CUL3: variants seen among roughly 807,000 people sequenced by gnomAD.
CUL3 encodes the protein cullin-3.
A neutral mutation model predicts 89.1 loss-of-function variants in CUL3; 19 were observed. That is an observed-to-expected ratio of 0.21 (90% CI 0.15 to 0.31). CUL3 has a LOEUF of 0.31. Ranked by LOEUF, CUL3 falls within the 10% of genes least tolerant of loss-of-function variation. The probability of loss-of-function intolerance (pLI) is 1.00; values close to 1 mark genes in which losing one functional copy is unlikely to be tolerated. For synonymous variants in CUL3, 351 were observed against 308.4 expected, an observed-to-expected ratio of 1.14 and a Z score of -1.45; for missense variants, 469 against 942.3, an observed-to-expected ratio of 0.50 and a Z score of 6.58.
At chr2:224,500,779 C>T (rs1692357480) in intron 10 of CUL3, among the ~76,000 whole-genome samples, 1 of 151,920 alleles carries the variant, frequency 6.6e-6, no homozygotes, top group Non-Finnish European at 1.5e-5. Flanking sequence ...GCATGCCCAC[C>T]ACGCCTGGCT....
At chr2:224,506,162 A>G (rs749528488) in intron 7 of CUL3, 30 bp from the exon 8 acceptor site, 2 of 1,448,740 alleles carry the variant, frequency 1.4e-6, no homozygotes, top group South Asian at 1.5e-5. Context: ...TTTAGGACAC[A>G]TTATAATAAT....
chr2:224,569,912 A>G, intron 1 of CUL3: 2 of 454,592 alleles, frequency 4.4e-6, no homozygotes, highest in Non-Finnish European at 5.8e-6. Context: ...TAGAAAAAAA[A>G]TAAACAAGGG....
rs546339854 is a variant in CUL3 at position 224,490,190 on chromosome 2, G to A, written c.1842+5642C>T. On this transcript the variant is annotated intron_variant, in intron 13 of 15. Transcript: ENST00000264414. ...TGTGATGCTGTGCTTCAGTGGTCAC[G>A]CTCCTAGTCCGCTTTCATGTTCCAT... Among the ~76,000 whole-genome samples the A allele has an allele frequency of 1.5e-3, 224 of 152,204 alleles. No homozygotes were observed. In the Middle Eastern group the frequency reaches 0.017, roughly 12 times the overall value.
chr2:224,533,861 G>C (rs1693782695), intron 3 of CUL3, among the ~76,000 whole-genome samples: 1 of 152,070 alleles, frequency 6.6e-6, no homozygotes, highest in South Asian at 2.1e-4. Context: ...TGACCCCCTT[G>C]CCACTAAGCC....
Position 224,514,816 on chromosome 2 carries a change from A to C in CUL3, c.379-44T>G, listed in dbSNP as rs1316804770. On this transcript the variant is annotated intron_variant, in intron 3 of 15. Coordinates refer to ENST00000264414, the MANE Select transcript of CUL3 (RefSeq NM_003590.5). ...AAATATGAGTACAGTTCTTGTGAGCATAATAATTATTGTGTGCTACAATAA... is the reference window on the plus strand; with the variant it reads ...AAATATGAGTACAGTTCTTGTGAGCCTAATAATTATTGTGTGCTACAATAA... 7 of 1,363,740 alleles carry C rather than the reference A, an allele frequency of 5.1e-6. No homozygotes were observed. In the Admixed American group the frequency reaches 9.4e-5, roughly 18 times the overall value. 84.5% of individuals were successfully genotyped at this position (1,363,740 alleles called of 1,614,324 possible). A position where few individuals can be genotyped will look rare whatever the true frequency, so the allele number is the denominator to read the frequency against.
At chr2:224,509,245 C>A (rs966847016) in intron 6 of CUL3, among the ~76,000 whole-genome samples, 1 of 152,040 alleles carries the variant, frequency 6.6e-6, no homozygotes, top group African/African-American at 2.4e-5. Context: ...ACAGGATCTC[C>A]CTCTGTAGCC....
At chr2:224,492,925 G>A (rs1453158288) in intron 13 of CUL3, among the ~76,000 whole-genome samples, 3 of 152,100 alleles carry the variant, frequency 2.0e-5, no homozygotes, top group Non-Finnish European at 4.4e-5. Flanking sequence ...CAAGATTTGA[G>A]GACAAAGAGC....
At chr2:224,572,830 C>G (rs554692012) in intron 1 of CUL3, among the ~76,000 whole-genome samples, 1 of 152,082 alleles carries the variant, frequency 6.6e-6, no homozygotes, top group African/African-American at 2.4e-5. Context: ...ATCAAGACAT[C>G]GTGTCGGAAG....
At position 224,538,569 on chromosome 2, in the gene CUL3, C is replaced by A. The variant is rs192811458; in HGVS notation, c.265-2928G>T. Among the ~76,000 whole-genome samples, 10 of 152,292 alleles carry A rather than the reference C, an allele frequency of 6.6e-5. No homozygotes were observed. The East Asian group carries it at 1.9e-3, about 29-fold the overall frequency. On this transcript the variant is annotated intron_variant, in intron 2 of 15. Transcript: ENST00000264414. ...GCAAGGCAAATGGGAGGGAACCCTG[C>A]TGTACAGGTAGTACCAGAACCAAAA...
Position 224,473,709 on chromosome 2 carries a change from C to T in CUL3, c.*536G>A, listed in dbSNP as rs1691213128. On this transcript the variant is annotated 3_prime_UTR_variant, in exon 16 of 16. Transcript: ENST00000264414. ...AGTGCAAGTGGTAGAATACAGCATG[C>T]TCAAATTGTATGCTTGGGTCTTTGT... 5.4e-6 allele frequency: 1 copy of T among 183,956 alleles called. No homozygotes were observed. Among genetic ancestry groups the T allele is most frequent in the African/African-American group, 2.3e-5 (1 of 42,578 alleles). The allele number at this position is 183,956 out of a possible 1,614,324, so 11.4% of individuals were successfully genotyped here.
At chr2:224,486,508 A>C (rs1199498333) in intron 13 of CUL3, among the ~76,000 whole-genome samples, 1 of 152,018 alleles carries the variant, frequency 6.6e-6, no homozygotes, top group Non-Finnish European at 1.5e-5. Context: ...AAGCAGAAGA[A>C]AGGATATCAA....
At chr2:224,584,354 T>C (rs1286185914) in intron 1 of CUL3, among the ~76,000 whole-genome samples, 2 of 152,072 alleles carry the variant, frequency 1.3e-5, no homozygotes, top group Admixed American at 6.5e-5. Context: ...AGGAAGCTTG[T>C]AGGATGAAAG....
chr2:224,493,715 T>C (rs1006771702), intron 13 of CUL3, among the ~76,000 whole-genome samples: 2 of 152,226 alleles, frequency 1.3e-5, no homozygotes, highest in African/African-American at 4.8e-5. Flanking sequence ...ACCAGGTCTT[T>C]ATAAGCCAGG....
chr2:224,531,027 T>A (rs975104082), intron 3 of CUL3, among the ~76,000 whole-genome samples: 1 of 151,640 alleles, frequency 6.6e-6, no homozygotes, highest in Non-Finnish European at 1.5e-5. Context: ...TATGAAAATT[T>A]AAAAAATTTA....
intron 3 of CUL3, among the ~76,000 whole-genome samples, chr2:224,529,764 AAG>A (rs1314788192): frequency 1.3e-5 from 2 of 152,204 alleles, no homozygotes; most frequent in Non-Finnish European, 2.9e-5. Flanking sequence ...ATGTTCCATC[AAG>A]AGAGATGTAG....
chr2:224,583,592 AATT>A (rs1027452944), intron 1 of CUL3, among the ~76,000 whole-genome samples: 5 of 152,196 alleles, frequency 3.3e-5, no homozygotes, highest in Admixed American at 3.3e-4. Context: ...AAAAATCTTT[AATT>A]ATTATCAAAA....
chr2:224,500,289 A>T (rs2106188764), intron 11 of CUL3, 74 bp downstream of exon 11: 2 of 1,512,038 alleles, frequency 1.3e-6, no homozygotes, highest in South Asian at 1.2e-5. Context: ...AATTACGGAT[A>T]CTAATGTTCA....
intron 1 of CUL3, among the ~76,000 whole-genome samples, chr2:224,560,251 A>G (rs933955945): frequency 2.0e-5 from 3 of 148,594 alleles, no homozygotes; most frequent in Non-Finnish European, 4.5e-5. Context: ...ATCTAGCCAC[A>G]CTCAGTTTTT....
intron 15 of CUL3, among the ~76,000 whole-genome samples, chr2:224,476,252 G>A (rs1428419587): frequency 1.3e-5 from 2 of 152,020 alleles, no homozygotes; most frequent in Non-Finnish European, 2.9e-5. Context: ...CCTGACCGCA[G>A]GTGATCCGCC....
Sources: allele counts gnomAD v4.1 joint callset (sites outside exome capture counted in the v4.1 genomes callset), GRCh38; gene constraint gnomAD v4.1.1; transcripts MANE v1.5; gene names NCBI Gene and HGNC (gene_info 2026-07-23, HGNC 2026-07-21).